FRYL: variants seen among roughly 807,000 people sequenced by gnomAD.
FRYL encodes the protein FRY like transcription coactivator.
A neutral mutation model predicts 351.2 loss-of-function variants in FRYL; 150 were observed. The ratio of observed to expected loss-of-function variants is 0.43; its 90% CI spans 0.37 to 0.49. The LOEUF (loss-of-function observed/expected upper bound fraction) is 0.49. Among genes scored for constraint, FRYL ranks in the 20% least tolerant of loss-of-function variants. The pLI is 0.00. For synonymous variants in FRYL, 1,153 were observed against 1,257.1 expected (o/e 0.92, Z 1.75); for missense variants, 3,036 against 3,619.3 (o/e 0.84, Z 4.13).
chr4:48,599,534 T>C (rs1745282973), intron 13 of FRYL, among the ~76,000 whole-genome samples: 1 of 152,228 alleles, frequency 6.6e-6, no homozygotes, highest in Non-Finnish European at 1.5e-5. Flanking sequence ...TAGAGAGTAA[T>C]GCCTTTTTAA....
At chr4:48,522,057 C>T (rs1725029638) in intron 54 of FRYL, among the ~76,000 whole-genome samples, 1 of 152,132 alleles carries the variant, frequency 6.6e-6, no homozygotes. Context: ...GTGGGAGGAT[C>T]ACTTGAGGCC....
chr4:48,723,681 T>C (rs1769745378), intron 1 of FRYL, among the ~76,000 whole-genome samples: 1 of 152,116 alleles, frequency 6.6e-6, no homozygotes, highest in Non-Finnish European at 1.5e-5. Flanking sequence ...CTGCTGCTAC[T>C]CTAGACAGAA....
chr4:48,762,540 T>C (rs1440280651), intron 1 of FRYL, among the ~76,000 whole-genome samples: 4 of 152,202 alleles, frequency 2.6e-5, no homozygotes, highest in African/African-American at 9.6e-5. Flanking sequence ...ATGTGACAGA[T>C]GGCAGAAGCT....
intron 50 of FRYL, 125 bp from the exon 51 acceptor site, chr4:48,528,461 T>C: frequency 1.7e-6 from 1 of 571,816 alleles, no homozygotes; most frequent in Non-Finnish European, 2.8e-6. Context: ...AGAAATTACT[T>C]TGCATGAGGC....
chr4:48,506,761 A>G (rs1721155100), intron 59 of FRYL: 1 of 151,062 alleles, frequency 6.6e-6, no homozygotes, highest in Non-Finnish European at 1.5e-5. Flanking sequence ...TCTCTATTGT[A>G]GCTTATGTTG....
At chr4:48,750,815 C>A (rs1773181572) in intron 1 of FRYL, among the ~76,000 whole-genome samples, 1 of 152,128 alleles carries the variant, frequency 6.6e-6, no homozygotes, top group East Asian at 1.9e-4. Flanking sequence ...TCACTTTTCC[C>A]CCTATGACCC....
Position 48,540,668 on chromosome 4 carries a change from T to C in FRYL, c.5980A>G (p.Thr1994Ala), listed in dbSNP as rs1216649242. The C allele has an allele frequency of 1.9e-6, 3 of 1,613,990 alleles. No homozygotes were observed. Among genetic ancestry groups the C allele is most frequent in the Non-Finnish European group, 2.5e-6 (3 of 1,179,910 alleles). The change falls in exon 46 of 64, where the codon ACT becomes GCT. Residue 1994 changes from threonine to alanine, a missense_variant. Thr to Ala is a moderately conservative substitution (Grantham distance 58). Transcript: ENST00000358350. Reference protein sequence around the residue: ...EKGMYDVQSTTEPTNLMATIF... With the variant: ...EKGMYDVQSTAEPTNLMATIF... ...GTGGCCATCAAGTTGGTAGGCTCAG[T>C]AGTGGACTGCACGTCATACATTCCT... is the stretch of plus-strand genomic sequence containing the variant.
At chr4:48,704,165 G>GA (rs1461135868) in intron 2 of FRYL, among the ~76,000 whole-genome samples, 1 of 151,886 alleles carries the variant, frequency 6.6e-6, no homozygotes, top group Non-Finnish European at 1.5e-5. Context: ...TGTTTAACAG[G>GA]AAAAAGAAAA....
intron 1 of FRYL, among the ~76,000 whole-genome samples, chr4:48,729,984 G>A (rs766067319): frequency 6.6e-6 from 1 of 151,962 alleles, no homozygotes. Context: ...TAAAAACTTT[G>A]AAAAAAGGTT....
rs189275394 is a variant in FRYL at position 48,534,465 on chromosome 4, T to C, written c.6705+80A>G. ...TGAACCACTTCCCCATTCTTCGACA[T>C]TTAAGGCATTTCCAATATTGTGTGA... is the stretch of plus-strand genomic sequence containing the variant. On this transcript the variant is annotated intron_variant, in intron 49 of 63. Coordinates refer to ENST00000358350, the MANE Select transcript of FRYL (RefSeq NM_015030.2). 3.5e-4 allele frequency: 382 copies of C among 1,097,024 alleles called. 4 individuals carry two copies. The East Asian group carries it at 8.2e-3, about 24-fold the overall frequency. 68.0% of individuals were successfully genotyped at this position (1,097,024 alleles called of 1,614,324 possible).
At chr4:48,774,753 G>A (rs1775844312) in intron 1 of FRYL, among the ~76,000 whole-genome samples, 1 of 152,060 alleles carries the variant, frequency 6.6e-6, no homozygotes, top group South Asian at 2.1e-4. Context: ...TCACTATGTT[G>A]GCCAGGCTGG....
chr4:48,557,044 C>T lies in FRYL; in HGVS notation c.4200G>A (p.Leu1400=). Residue 1400 remains leucine (L), a synonymous_variant, in exon 35 of 64, where the codon CTG becomes CTA. Coordinates refer to ENST00000358350, the MANE Select transcript of FRYL (RefSeq NM_015030.2). ...TGATCAAAAAGTGCAAAATTATTTTCAGGTTTTTGGGCCAGCCATCTGCAA... is the reference window on the plus strand; with the variant it reads ...TGATCAAAAAGTGCAAAATTATTTTTAGGTTTTTGGGCCAGCCATCTGCAA... ...TTLADGWPKN[L]KIILHFLISI... 2 of 1,608,486 alleles carry T rather than the reference C, an allele frequency of 1.2e-6. No homozygotes were observed. Among genetic ancestry groups the T allele is most frequent in the Non-Finnish European group, 1.7e-6 (2 of 1,177,356 alleles).
At chr4:48,532,635 C>T (rs1459456294) in intron 49 of FRYL, among the ~76,000 whole-genome samples, 3 of 151,942 alleles carry the variant, frequency 2.0e-5, no homozygotes, top group African/African-American at 7.3e-5. Flanking sequence ...TCAGCCTGGG[C>T]AACAGAGACT....
At chr4:48,743,204 T>C (rs1772310617) in intron 1 of FRYL, among the ~76,000 whole-genome samples, 1 of 151,942 alleles carries the variant, frequency 6.6e-6, no homozygotes, top group African/African-American at 2.4e-5. Flanking sequence ...GGCAGAAAAG[T>C]AGAAAGAACA....
In FRYL at chr4:48,515,283, AC is replaced by A. The variant is rs1330726747; in HGVS notation, c.7690-9del. ...TAATACTGAAGTTGTATCCTACAAAACAATCATAGTTTTAGTGAACTATAAA... is the reference window on the plus strand; with the variant it reads ...TAATACTGAAGTTGTATCCTACAAAAAATCATAGTTTTAGTGAACTATAAA... On this transcript the variant is annotated splice_polypyrimidine_tract_variant and intron_variant, in intron 55 of 63. Transcript: ENST00000358350. 3 of 1,588,280 alleles carry A rather than the reference AC, an allele frequency of 1.9e-6. No homozygotes were observed. The East Asian group carries it at 6.7e-5, about 36-fold the overall frequency.
intron 20 of FRYL, among the ~76,000 whole-genome samples, 162 bp downstream of exon 20, chr4:48,582,335 C>A (rs1247384031): frequency 6.6e-6 from 1 of 152,144 alleles, no homozygotes; most frequent in Admixed American, 6.5e-5. Context: ...ATATTCACTA[C>A]AGGAACTATG....
chr4:48,677,054 A>C (rs1763826951), intron 3 of FRYL, among the ~76,000 whole-genome samples: 2 of 152,258 alleles, frequency 1.3e-5, no homozygotes, highest in African/African-American at 4.8e-5. Context: ...CTCTACAGGC[A>C]TTTAAAAATA....
intron 1 of FRYL, among the ~76,000 whole-genome samples, chr4:48,715,510 A>G (rs1768691243): frequency 1.3e-5 from 2 of 151,306 alleles, no homozygotes; most frequent in African/African-American, 4.9e-5. Context: ...TCATGAGTGA[A>G]CTCCCATTCA....
At chr4:48,657,931 T>A (rs557997609) in intron 3 of FRYL, among the ~76,000 whole-genome samples, 1 of 152,352 alleles carries the variant, frequency 6.6e-6, no homozygotes, top group East Asian at 1.9e-4. Context: ...TTTCTTTTAA[T>A]CACCTTCCAC....
Sources: gnomAD v4.1 joint callset for allele counts (sites outside exome capture counted in the v4.1 genomes callset) on GRCh38, gnomAD v4.1.1 for gene constraint, MANE v1.5 for transcripts, NCBI Gene and HGNC (gene_info 2026-07-23, HGNC 2026-07-21) for gene names.